The following MALRD1 variants were observed in gnomAD, a reference collection of about 807,000 sequenced individuals.
The protein encoded by MALRD1 is MAM and LDL receptor class A domain containing 1.
MALRD1 carries 247 observed loss-of-function variants against 242.1 expected under a neutral mutation model. The ratio of observed to expected loss-of-function variants is 1.02; its 90% CI spans 0.92 to 1.13. The LOEUF (loss-of-function observed/expected upper bound fraction) is 1.13, where lower values mean the gene tolerates loss of function less well. Among genes scored for constraint, MALRD1 ranks in the 50% most tolerant of loss-of-function variants. The probability of loss-of-function intolerance (pLI) is 0.00; values close to 1 mark genes in which losing one functional copy is unlikely to be tolerated. For missense variants in MALRD1, 2,989 were observed against 2,533.1 expected, an observed-to-expected ratio of 1.18 and a Z score of -3.86; for synonymous variants, 995 against 866.6, an observed-to-expected ratio of 1.15 and a Z score of -2.60.
chr10:19,307,838 A>G (rs1240957958), intron 21 of MALRD1, among the ~76,000 whole-genome samples: 3 of 151,594 alleles, frequency 2.0e-5, no homozygotes, highest in Admixed American at 6.6e-5. Flanking sequence ...TTTTTAATTG[A>G]CAAATAATAA....
intron 33 of MALRD1, among the ~76,000 whole-genome samples, chr10:19,586,078 A>C (rs1408661865): frequency 6.6e-6 from 1 of 152,018 alleles, no homozygotes; most frequent in Admixed American, 6.6e-5. Flanking sequence ...CAGCTCCATC[A>C]GCTCCTTTAA....
At chr10:19,356,024 T>A (rs1366937356) in intron 26 of MALRD1, among the ~76,000 whole-genome samples, 2 of 150,966 alleles carry the variant, frequency 1.3e-5, no homozygotes, top group Non-Finnish European at 2.9e-5. Context: ...GAGACAATTT[T>A]ATATGTGTAA....
chr10:19,298,209 T>C (rs991280352), intron 21 of MALRD1, among the ~76,000 whole-genome samples: 3 of 151,938 alleles, frequency 2.0e-5, no homozygotes, highest in Non-Finnish European at 4.4e-5. Context: ...CCTAAGAGGC[T>C]TCCTTGCTTC....
chr10:19,564,991 A>C (rs1836188626), intron 32 of MALRD1, among the ~76,000 whole-genome samples: 1 of 152,162 alleles, frequency 6.6e-6, no homozygotes, highest in South Asian at 2.1e-4. Context: ...CTATGAAAAC[A>C]CTTGACGTAA....
intron 31 of MALRD1, among the ~76,000 whole-genome samples, chr10:19,503,051 A>C (rs1164036685): frequency 6.6e-6 from 1 of 152,178 alleles, no homozygotes; most frequent in Non-Finnish European, 1.5e-5. Flanking sequence ...TTGTCTGCAG[A>C]TTTAAAAAAA....
intron 5 of MALRD1, among the ~76,000 whole-genome samples, chr10:19,111,447 CA>C (rs1836678045): frequency 6.6e-6 from 1 of 152,104 alleles, no homozygotes; most frequent in African/African-American, 2.4e-5. Flanking sequence ...GTGAATATGA[CA>C]TTTATATAAC....
At position 19,324,993 on chromosome 10, in the gene MALRD1, C is replaced by G. The variant is rs1254724313; in HGVS notation, c.3576+888C>G. ...TCTCCATTTTACCCACAAATTTTTG[C>G]CTTCAGTAGTTGCTTTTTTTTTTTT... is the stretch of plus-strand genomic sequence containing the variant. On this transcript the variant is annotated intron_variant, in intron 22 of 39. Coordinates refer to ENST00000454679, the MANE Select transcript of MALRD1 (RefSeq NM_001142308.3). Among the ~76,000 whole-genome samples, 11 of 136,768 alleles carry G rather than the reference C, an allele frequency of 8.0e-5. No homozygotes were observed. In the South Asian group the frequency reaches 2.5e-3, roughly 31 times the overall value. The allele number at this position is 136,768 out of a possible 152,430, so 89.7% of individuals were successfully genotyped here. A position where few individuals can be genotyped will look rare whatever the true frequency, so the allele number is the denominator to read the frequency against.
Position 19,311,449 on chromosome 10 carries a change from T to C in MALRD1, c.3420-12500T>C, listed in dbSNP as rs531397446. ...CCCTTTTAAATTAAATACAAAATTTTCTAACTGAACATTTGCTAGGATGTG... is the reference window on the plus strand; with the variant it reads ...CCCTTTTAAATTAAATACAAAATTTCCTAACTGAACATTTGCTAGGATGTG... On this transcript the variant is annotated intron_variant, in intron 21 of 39. Transcript: ENST00000454679. Among the ~76,000 whole-genome samples, 11 of 151,622 alleles carry C rather than the reference T, an allele frequency of 7.3e-5. No individual in the cohort carries two copies. The South Asian group carries it at 2.3e-3, about 31-fold the overall frequency.
intron 28 of MALRD1, among the ~76,000 whole-genome samples, chr10:19,440,158 T>G (rs541108565): frequency 9.5e-4 from 144 of 152,352 alleles, no homozygotes; most frequent in African/African-American, 3.2e-3. Flanking sequence ...CACATTTTTC[T>G]GTTTTTCTGT....
chr10:19,512,395 C>T (rs1833446039), intron 31 of MALRD1, among the ~76,000 whole-genome samples: 1 of 152,192 alleles, frequency 6.6e-6, no homozygotes. Context: ...TCAAGGACAG[C>T]AGTAATACAT....
chr10:19,589,225 G>A (rs976671554), intron 33 of MALRD1, among the ~76,000 whole-genome samples: 2 of 152,098 alleles, frequency 1.3e-5, no homozygotes, highest in Non-Finnish European at 2.9e-5. Flanking sequence ...ATAGAAGATA[G>A]ATAGCTCAAT....
Position 19,349,796 on chromosome 10 carries a change from G to C in MALRD1, c.4149+1778G>C, listed in dbSNP as rs574101604. Among the ~76,000 whole-genome samples the C allele has an allele frequency of 4.6e-5, 7 of 152,092 alleles. No individual in the cohort carries two copies. In the East Asian group the frequency reaches 1.4e-3, roughly 29 times the overall value. ...TTAAATACAAAATACGAAAATTCCA[G>C]GTTGACCTCTCAGCTTTTCTATTTA... is the stretch of plus-strand genomic sequence containing the variant. On this transcript the variant is annotated intron_variant, in intron 25 of 39. Transcript: ENST00000454679.
intron 33 of MALRD1, among the ~76,000 whole-genome samples, chr10:19,591,788 A>AT (rs1837802946): frequency 6.6e-6 from 1 of 152,188 alleles, no homozygotes. Flanking sequence ...ATGAGCCGCT[A>AT]TGCCCATCCG....
intron 13 of MALRD1, among the ~76,000 whole-genome samples, chr10:19,170,334 G>T (rs1237711812): frequency 6.6e-6 from 1 of 151,986 alleles, no homozygotes; most frequent in East Asian, 1.9e-4. Flanking sequence ...AGTATCTCAA[G>T]GTGGCACTTT....
At chr10:19,571,270 A>C (rs1442074198) in intron 33 of MALRD1, among the ~76,000 whole-genome samples, 1 of 152,172 alleles carries the variant, frequency 6.6e-6, no homozygotes, top group Non-Finnish European at 1.5e-5. Context: ...TGTGTAAGAA[A>C]GAGTAATCTA....
intron 28 of MALRD1, among the ~76,000 whole-genome samples, chr10:19,413,408 T>A (rs1833362220): frequency 6.6e-6 from 1 of 152,152 alleles, no homozygotes; most frequent in Non-Finnish European, 1.5e-5. Context: ...TTTAGTATAC[T>A]TTTCCTGTGC....
At chr10:19,050,357 GATTAC>G (rs1338068354) in intron 1 of MALRD1, among the ~76,000 whole-genome samples, 1 of 151,366 alleles carries the variant, frequency 6.6e-6, no homozygotes, top group Non-Finnish European at 1.5e-5. Context: ...AAAGTGCTGG[GATTAC>G]AGGCGTGAGC....
chr10:19,387,806 A>G, intron 27 of MALRD1, 33 bp downstream of exon 27: 1 of 1,533,250 alleles, frequency 6.5e-7, no homozygotes, highest in Admixed American at 2.0e-5. Context: ...TTGCTTTCAC[A>G]TGATTTTCAC....
At chr10:19,224,361 A>C (rs1837694250) in intron 18 of MALRD1, among the ~76,000 whole-genome samples, 1 of 146,710 alleles carries the variant, frequency 6.8e-6, no homozygotes, top group Non-Finnish European at 1.5e-5. Context: ...ATTTCGGCTC[A>C]CTGCAACCTC....
Sources: gnomAD v4.1 joint callset for allele counts (sites outside exome capture counted in the v4.1 genomes callset) on GRCh38, gnomAD v4.1.1 for gene constraint, MANE v1.5 for transcripts, NCBI Gene and HGNC (gene_info 2026-07-23, HGNC 2026-07-21) for gene names.